Variants in PRAMEF17 observed in about 807,000 individuals in gnomAD.
The protein encoded by PRAMEF17 is PRAME family member 17.
PRAMEF17 carries 48 observed loss-of-function variants against 36.8 expected under a neutral mutation model. That is an observed-to-expected ratio of 1.30 (90% CI 1.03 to 1.66). The LOEUF is 1.66. Ranked by LOEUF, PRAMEF17 falls within the 40% of genes most tolerant of loss-of-function variation. PRAMEF17 has a pLI of 0.00. For synonymous variants in PRAMEF17, 246 were observed against 220.4 expected (o/e 1.12, Z -1.03); for missense variants, 639 against 560.6 (o/e 1.14, Z -1.41).
rs1397104806 is a variant in PRAMEF17 at position 13,392,124 on chromosome 1, T to G, written c.1047T>G (p.Ala349=). ...GAGCTCTGCTAGAGAAAGTTGCTGC[T>G]ACTCTCGAGATCCTCACGTTAAAGG... The part of the protein sequence containing the change: ...PLGALLEKVA[A]TLEILTLKDC... The change falls in exon 3 of 3, where the codon GCT becomes GCG. Residue 349 remains alanine (A), a synonymous_variant. Coordinates refer to ENST00000376098, the MANE Select transcript of PRAMEF17 (RefSeq NM_001099851.3). 2 of 1,611,870 alleles carry G rather than the reference T, an allele frequency of 1.2e-6. No homozygotes were observed. Among genetic ancestry groups the G allele is most frequent in the East Asian group, 4.5e-5 (2 of 44,866 alleles).
Position 13,390,618 on chromosome 1 carries a change from TC to T in PRAMEF17, c.566del (p.Ser189Ter), listed in dbSNP as rs762163328. 4 of 1,611,970 alleles carry T rather than the reference TC, an allele frequency of 2.5e-6. No individual in the cohort carries two copies. The highest frequency in any genetic ancestry group is 3.4e-6 in the Non-Finnish European group (4 of 1,179,864). On this transcript the variant is annotated frameshift_variant, in exon 2 of 3. Transcript: ENST00000376098. LOFTEE classifies it high-confidence loss of function. ...GTGTTGTAATAAGGTGCAGAATTAC[TC>T]AATGCCCACTTCAAGTTTCAGAAAT... is the stretch of plus-strand genomic sequence containing the variant. ...HLCCNKVQNY[S>X]MPTSSFRNLL...
intron 2 of PRAMEF17, 140 bp from the exon 3 acceptor site, chr1:13,391,804 T>C (rs1640886569): frequency 1.5e-6 from 2 of 1,297,964 alleles, no homozygotes; most frequent in Admixed American, 2.0e-5. Context: ...GGCTTCCCCA[T>C]TGCAGGTTAC....
Position 13,390,715 on chromosome 1 carries a change from C to T in PRAMEF17, c.662C>T (p.Thr221Ile), listed in dbSNP as rs1640868970. The change falls in exon 2 of 3, where the codon ACA (threonine) becomes ATA (isoleucine). Residue 221 changes from threonine to isoleucine, a missense_variant. Coordinates refer to ENST00000376098, the MANE Select transcript of PRAMEF17 (RefSeq NM_001099851.3). ...EIKRKCSLNK[T>I]GKFAPYLSQM... Reference sequence around the variant, plus strand: ...AAGAGAAAGTGCTCTCTGAATAAAACAGGAAAGTTTGCCCCTTACTTGAGC... The same window carrying T: ...AAGAGAAAGTGCTCTCTGAATAAAATAGGAAAGTTTGCCCCTTACTTGAGC... 3.1e-6 allele frequency: 5 copies of T among 1,611,882 alleles called. No individual in the cohort carries two copies. The African/African-American group carries it at 6.7e-5, about 22-fold the overall frequency.
Position 13,392,002 on chromosome 1 carries a change from G to A in PRAMEF17, c.925G>A (p.Asp309Asn), listed in dbSNP as rs1410871859. The part of the protein sequence containing the change: ...IFCHAYLADQ[D>N]MECLSQYPSL... ...CTGTCATGCTTACCTAGCTGATCAG[G>A]ACATGGAGTGTCTGTCTCAGTACCC... The change falls in exon 3 of 3, where the codon GAC becomes AAC. Residue 309 changes from aspartate to asparagine, a missense_variant. Asp to Asn is a conservative substitution (Grantham distance 23). Coordinates refer to ENST00000376098, the MANE Select transcript of PRAMEF17 (RefSeq NM_001099851.3). 1 of 1,611,770 alleles carries A rather than the reference G, an allele frequency of 6.2e-7. No individual in the cohort carries two copies. The highest frequency in any genetic ancestry group is 8.5e-7 in the Non-Finnish European group (1 of 1,179,826).
chr1:13,390,634 G>A lies in PRAMEF17; in HGVS notation c.581G>A (p.Ser194Asn). The change falls in exon 2 of 3, where the codon AGT becomes AAT. Residue 194 changes from serine (S) to asparagine (N), a missense_variant. Transcript: ENST00000376098. ...KVQNYSMPTS[S>N]FRNLLKRVYP... ...CAGAATTACTCAATGCCCACTTCAA[G>A]TTTCAGAAATTTATTGAAAAGGGTA... 4.3e-6 allele frequency: 7 copies of A among 1,611,992 alleles called. No homozygotes were observed. Among genetic ancestry groups the A allele is most frequent in the South Asian group, 1.1e-5 (1 of 90,984 alleles).
chr1:13,392,577 T>A lies in PRAMEF17; in HGVS notation c.*75T>A. Reference sequence around the variant, plus strand: ...ACTAAAATCTAGGACACAGGTGGGTTTTTTTGTTTTTTTGTTTTTTTTTTG... The same window carrying A: ...ACTAAAATCTAGGACACAGGTGGGTATTTTTGTTTTTTTGTTTTTTTTTTG... On this transcript the variant is annotated 3_prime_UTR_variant, in exon 3 of 3. Coordinates refer to ENST00000376098, the MANE Select transcript of PRAMEF17 (RefSeq NM_001099851.3). The A allele has an allele frequency of 6.4e-7, 1 of 1,566,118 alleles. No homozygotes were observed. Among genetic ancestry groups the A allele is most frequent in the South Asian group, 1.2e-5 (1 of 84,696 alleles).
Position 13,390,751 on chromosome 1 carries a change from A to G in PRAMEF17, c.698A>G (p.Asn233Ser), listed in dbSNP as rs1474053534. 4.3e-6 allele frequency: 7 copies of G among 1,611,930 alleles called. No individual in the cohort carries two copies. The East Asian group carries it at 6.7e-5, about 15-fold the overall frequency. The change falls in exon 2 of 3, where the codon AAT becomes AGT. Residue 233 changes from asparagine (N) to serine (S), a missense_variant. Physicochemically the swap from Asn to Ser is conservative, Grantham distance 46. Coordinates refer to ENST00000376098, the MANE Select transcript of PRAMEF17 (RefSeq NM_001099851.3). ...KFAPYLSQMS[N>S]LRKLFLAFGY... ...GCCCCTTACTTGAGCCAGATGAGCA[A>G]TCTTCGCAAACTCTTTTTAGCCTTC...
At position 13,392,164 on chromosome 1, in the gene PRAMEF17, G is replaced by A. The variant is rs1640893990; in HGVS notation, c.1087G>A (p.Asp363Asn). ...CACGTTAAAGGACTGTCAGATCCAG[G>A]ACTCCCAGCTCAGGGTCCTCCTGCC... ...ILTLKDCQIQDSQLRVLLPAL... is the reference protein window; with the variant it reads ...ILTLKDCQIQNSQLRVLLPAL... Residue 363 changes from aspartate to asparagine, a missense_variant, in exon 3 of 3, where the codon GAC (aspartate) becomes AAC (asparagine). Coordinates refer to ENST00000376098, the MANE Select transcript of PRAMEF17 (RefSeq NM_001099851.3). 1 of 1,611,942 alleles carries A rather than the reference G, an allele frequency of 6.2e-7. No individual in the cohort carries two copies. The highest frequency in any genetic ancestry group is 8.5e-7 in the Non-Finnish European group (1 of 1,179,844).
intron 2 of PRAMEF17, 137 bp downstream of exon 2, chr1:13,391,056 C>T: frequency 1.5e-6 from 2 of 1,335,698 alleles, no homozygotes; most frequent in Non-Finnish European, 2.1e-6. Context: ...AATGTCAACT[C>T]ATTATGCTGT....
intron 2 of PRAMEF17, 39 bp downstream of exon 2, chr1:13,390,958 A>C: frequency 6.2e-7 from 1 of 1,611,346 alleles, no homozygotes; most frequent in Non-Finnish European, 8.5e-7. Context: ...AGACCATACC[A>C]CAGACTTTTG....
rs1282010375 is a variant in PRAMEF17, at chr1:13,392,095, C to G, written c.1018C>G (p.Leu340Val). ...ILMWTTNLEPLGALLEKVAAT... is the reference protein window; with the variant it reads ...ILMWTTNLEPVGALLEKVAAT... ...AATGTGGACTACCAATCTTGAGCCC[C>G]TTGGAGCTCTGCTAGAGAAAGTTGC... The change falls in exon 3 of 3, where the codon CTT becomes GTT. Residue 340 changes from leucine (L) to valine (V), a missense_variant. Leu to Val is a conservative substitution (Grantham distance 32). Coordinates refer to ENST00000376098, the MANE Select transcript of PRAMEF17 (RefSeq NM_001099851.3). The G allele has an allele frequency of 1.9e-5, 31 of 1,611,772 alleles. No homozygotes were observed. The highest frequency in any genetic ancestry group is 2.5e-5 in the Non-Finnish European group (30 of 1,179,836).
At chr1:13,391,458 G>A (rs1486682342) in intron 2 of PRAMEF17, among the ~76,000 whole-genome samples, 1 of 152,164 alleles carries the variant, frequency 6.6e-6, no homozygotes, top group Non-Finnish European at 1.5e-5. Flanking sequence ...GTAGGCAGGA[G>A]AGTGGTATAA....
intron 2 of PRAMEF17, among the ~76,000 whole-genome samples, chr1:13,391,623 A>C (rs1475692551): frequency 2.0e-5 from 3 of 152,160 alleles, no homozygotes; most frequent in East Asian, 1.9e-4. Context: ...CTGAAAGATA[A>C]AGTAAAGAGG....
chr1:13,391,873 A>G, intron 2 of PRAMEF17, 71 bp from the exon 3 acceptor site: 2 of 1,584,676 alleles, frequency 1.3e-6, no homozygotes, highest in Non-Finnish European at 1.7e-6. Flanking sequence ...CAAGTTTACC[A>G]TTGAGATGAT....
rs200166042 is a variant in PRAMEF17, at chr1:13,392,102, C to T, written c.1025C>T (p.Ala342Val). The T allele has an allele frequency of 3.1e-4, 503 of 1,611,794 alleles. 1 individual carries two copies. The highest frequency in any genetic ancestry group is 1.6e-3 in the East Asian group (70 of 44,862). The change falls in exon 3 of 3, where the codon GCT (alanine) becomes GTT (valine). Residue 342 changes from alanine to valine, a missense_variant. Coordinates refer to ENST00000376098, the MANE Select transcript of PRAMEF17 (RefSeq NM_001099851.3). ...MWTTNLEPLGALLEKVAATLE... is the reference protein window; with the variant it reads ...MWTTNLEPLGVLLEKVAATLE... ...ACTACCAATCTTGAGCCCCTTGGAG[C>T]TCTGCTAGAGAAAGTTGCTGCTACT...
At chr1:13,391,069 A>T (rs1640874518) in intron 2 of PRAMEF17, 150 bp downstream of exon 2, 1 of 1,263,358 alleles carries the variant, frequency 7.9e-7, no homozygotes, top group Admixed American at 2.1e-5. Context: ...TATGCTGTTC[A>T]GTGCTCTATA....
chr1:13,390,696 A>G lies in PRAMEF17; in HGVS notation c.643A>G (p.Lys215Glu), dbSNP rs966626999. Residue 215 changes from lysine to glutamate, a missense_variant, in exon 2 of 3, where the codon AAG becomes GAG. Transcript: ENST00000376098. ...DSIQELEIKRKCSLNKTGKFA... is the reference protein window; with the variant it reads ...DSIQELEIKRECSLNKTGKFA... ...TATCCAGGAGTTGGAAATTAAGAGA[A>G]AGTGCTCTCTGAATAAAACAGGAAA... 1 of 1,611,886 alleles carries G rather than the reference A, an allele frequency of 6.2e-7. No individual in the cohort carries two copies. The highest frequency in any genetic ancestry group is 1.3e-5 in the African/African-American group (1 of 74,856).
In PRAMEF17 at chr1:13,389,761, T is replaced by A; in HGVS notation, c.104T>A (p.Val35Asp). Reference protein sequence around the residue: ...IFILDELPREVFPLMFMEASS... With the variant: ...IFILDELPREDFPLMFMEASS... Reference sequence around the variant, plus strand: ...ATCCTGGACGAGCTGCCCAGGGAGGTCTTCCCTCTGATGTTCATGGAGGCC... The same window carrying A: ...ATCCTGGACGAGCTGCCCAGGGAGGACTTCCCTCTGATGTTCATGGAGGCC... The change falls in exon 1 of 3, where the codon GTC (valine) becomes GAC (aspartate). Residue 35 changes from valine to aspartate, a missense_variant. Physicochemically the swap from Val to Asp is radical, Grantham distance 152. Coordinates refer to ENST00000376098, the MANE Select transcript of PRAMEF17 (RefSeq NM_001099851.3). 1 of 1,612,202 alleles carries A rather than the reference T, an allele frequency of 6.2e-7. No individual in the cohort carries two copies. The highest frequency in any genetic ancestry group is 1.1e-5 in the South Asian group (1 of 90,982).
intron 1 of PRAMEF17, 37 bp downstream of exon 1, chr1:13,389,981 G>A: frequency 6.2e-7 from 1 of 1,612,136 alleles, no homozygotes; most frequent in East Asian, 2.2e-5. Context: ...GAAGGGTCCA[G>A]GCATCCAGGG....
Sources: allele counts gnomAD v4.1 joint callset (sites outside exome capture counted in the v4.1 genomes callset), GRCh38; gene constraint gnomAD v4.1.1; transcripts MANE v1.5; gene names NCBI Gene and HGNC (gene_info 2026-07-23, HGNC 2026-07-21).